GLT1D1: variants seen among roughly 807,000 people sequenced by gnomAD.
GLT1D1 encodes glycosyltransferase 1 domain-containing protein 1.
In GLT1D1, 21 loss-of-function variants were observed where a neutral mutation model predicts 28.7. The observed-to-expected ratio is 0.73, with a 90% CI of 0.52 to 1.05. The LOEUF (loss-of-function observed/expected upper bound fraction) is 1.05, where lower values mean the gene tolerates loss of function less well. GLT1D1 is among the 50% of genes least tolerant of loss of function. The pLI is 0.00. For missense variants in GLT1D1, 343 were observed against 330.6 expected (o/e 1.04, Z -0.29); for synonymous variants, 147 against 124.8 (o/e 1.18, Z -1.19).
At chr12:128,896,974 A>G (rs141892749) in intron 3 of GLT1D1, among the ~76,000 whole-genome samples, 1 of 152,260 alleles carries the variant, frequency 6.6e-6, no homozygotes, top group African/African-American at 2.4e-5. Context: ...GAATATATTG[A>G]TGCAGTTTCT....
intron 6 of GLT1D1, among the ~76,000 whole-genome samples, chr12:128,949,634 C>CAAG (rs1662426610): frequency 6.6e-6 from 1 of 152,144 alleles, no homozygotes; most frequent in Non-Finnish European, 1.5e-5. Flanking sequence ...AATTCTACAA[C>CAAG]TAATCAGTTG....
intron 4 of GLT1D1, among the ~76,000 whole-genome samples, chr12:128,932,892 G>T (rs1307687887): frequency 6.6e-6 from 1 of 152,150 alleles, no homozygotes; most frequent in Non-Finnish European, 1.5e-5. Context: ...AAACCTTGAC[G>T]CCATCTCAGT....
intron 4 of GLT1D1, among the ~76,000 whole-genome samples, chr12:128,915,893 G>T (rs1406489085): frequency 6.6e-6 from 1 of 152,116 alleles, no homozygotes; most frequent in Non-Finnish European, 1.5e-5. Context: ...GCAGTGAAAT[G>T]CAGAGATCTC....
At chr12:128,958,615 T>C (rs1877552376) in intron 7 of GLT1D1, among the ~76,000 whole-genome samples, 1 of 133,242 alleles carries the variant, frequency 7.5e-6, no homozygotes, top group South Asian at 2.5e-4. Flanking sequence ...AAGCTGGGAA[T>C]GGTGCATGCC....
intron 4 of GLT1D1, among the ~76,000 whole-genome samples, chr12:128,942,682 G>A (rs1875428937): frequency 6.6e-6 from 1 of 151,070 alleles, no homozygotes. Flanking sequence ...CAGCACATCA[G>A]CAGCCATCCT....
At chr12:128,950,530 G>C (rs949509024) in intron 6 of GLT1D1, among the ~76,000 whole-genome samples, 1 of 152,180 alleles carries the variant, frequency 6.6e-6, no homozygotes, top group African/African-American at 2.4e-5. Flanking sequence ...AGAAAATCTA[G>C]ACATGGTGGT....
chr12:128,871,368 T>C (rs921265872), intron 1 of GLT1D1, among the ~76,000 whole-genome samples: 1 of 152,058 alleles, frequency 6.6e-6, no homozygotes, highest in Non-Finnish European at 1.5e-5. Context: ...CTAGGTTTGG[T>C]GGGGAGAGAA....
intron 6 of GLT1D1, among the ~76,000 whole-genome samples, chr12:128,949,578 C>A: frequency 6.6e-6 from 1 of 152,178 alleles, no homozygotes; most frequent in East Asian, 1.9e-4. Flanking sequence ...TACTGATAAA[C>A]TCCAAAAATC....
intron 4 of GLT1D1, among the ~76,000 whole-genome samples, 189 bp downstream of exon 6, chr12:128,915,178 A>T (rs1411316014): frequency 6.6e-6 from 1 of 152,144 alleles, no homozygotes; most frequent in African/African-American, 2.4e-5. Flanking sequence ...AGCCAGAGAG[A>T]CAGGGGCTCT....
At chr12:128,880,005 G>T (rs941123494) in intron 2 of GLT1D1, among the ~76,000 whole-genome samples, 4 of 152,132 alleles carry the variant, frequency 2.6e-5, no homozygotes, top group African/African-American at 9.7e-5. Context: ...TTACACCATT[G>T]TATGTGGATG....
At chr12:128,911,091 G>A (rs1036456852) in intron 4 of GLT1D1, among the ~76,000 whole-genome samples, 6 of 152,136 alleles carry the variant, frequency 3.9e-5, no homozygotes, top group Middle Eastern at 3.2e-3. Context: ...CGCCACACCC[G>A]GCTAATTTTT....
At position 128,894,659 on chromosome 12, in the gene GLT1D1, C is replaced by T. The variant is rs978463153; in HGVS notation, c.324-4577C>T. 4.7e-4 allele frequency among the ~76,000 whole-genome samples: 72 copies of T among 151,872 alleles called. 1 individual carries two copies. The highest frequency in any genetic ancestry group is 1.5e-3 in the African/African-American group (63 of 41,408). On this transcript the variant is annotated intron_variant, in intron 3 of 7. Transcript: ENST00000281703. Reference sequence around the variant, plus strand: ...AGGAGTTCGAGACCAGCCTGGCCAACATGGTGAACCCTCATCTCTACTAAA... The same window carrying T: ...AGGAGTTCGAGACCAGCCTGGCCAATATGGTGAACCCTCATCTCTACTAAA...
chr12:128,912,747 C>G (rs1442695230), intron 4 of GLT1D1, among the ~76,000 whole-genome samples: 1 of 151,964 alleles, frequency 6.6e-6, no homozygotes, highest in Non-Finnish European at 1.5e-5. Flanking sequence ...ACTGCAACCT[C>G]TGCCTCCTGG....
rs1161429342 is a variant in GLT1D1 at position 128,881,534 on chromosome 12, G to GAAAAAAAA, written c.217+5493_217+5500dup. 2.1e-4 allele frequency among the ~76,000 whole-genome samples: 5 copies of GAAAAAAAA among 23,914 alleles called. 1 individual carries two copies. Among genetic ancestry groups the GAAAAAAAA allele is most frequent in the African/African-American group, 4.8e-4 (3 of 6,236 alleles). The allele number at this position is 23,914 out of a possible 152,430, so 15.7% of individuals were successfully genotyped here. ...GGGCAACAGAGTGAGACTCTGTATC[G>GAAAAAAAA]AAAAAAAAAAAAAAAAAAAAAAAAA... On this transcript the variant is annotated intron_variant, in intron 2 of 7. Transcript: ENST00000281703.
intron 1 of GLT1D1, among the ~76,000 whole-genome samples, chr12:128,867,880 G>A (rs185927463): frequency 6.6e-6 from 1 of 152,332 alleles, no homozygotes; most frequent in African/African-American, 2.4e-5. Context: ...TTCCGAGGAG[G>A]CCAAAGGACT....
At chr12:128,937,489 A>C (rs1874688625) in intron 4 of GLT1D1, among the ~76,000 whole-genome samples, 1 of 152,180 alleles carries the variant, frequency 6.6e-6, no homozygotes, top group Non-Finnish European at 1.5e-5. Flanking sequence ...ACTTCTGGAC[A>C]GGGTGATGGG....
chr12:128,928,293 G>A (rs768515286), intron 4 of GLT1D1, among the ~76,000 whole-genome samples: 5 of 152,078 alleles, frequency 3.3e-5, no homozygotes, highest in Non-Finnish European at 5.9e-5. Context: ...GATGGGAGAC[G>A]TTCTGGTGGC....
chr12:128,972,728 C>A (rs1269092434), intron 7 of GLT1D1, among the ~76,000 whole-genome samples: 1 of 152,146 alleles, frequency 6.6e-6, no homozygotes, highest in Admixed American at 6.5e-5. Context: ...TTCCTCAAGG[C>A]CCAGAACCTG....
At chr12:128,948,482 G>T (rs1271094912) in intron 6 of GLT1D1, among the ~76,000 whole-genome samples, 1 of 152,114 alleles carries the variant, frequency 6.6e-6, no homozygotes, top group Non-Finnish European at 1.5e-5. Flanking sequence ...CACACACACT[G>T]CACACGACAG....
Sources: gnomAD v4.1 joint callset for allele counts (sites outside exome capture counted in the v4.1 genomes callset) on GRCh38, gnomAD v4.1.1 for gene constraint, MANE v1.5 for transcripts, NCBI Gene and HGNC (gene_info 2026-07-23, HGNC 2026-07-21) for gene names.